Variants in DEF8 observed in about 807,000 individuals in gnomAD.
The protein encoded by DEF8 is DEF-8.
In DEF8, 38 loss-of-function variants were observed where a neutral mutation model predicts 59.1. That is an observed-to-expected ratio of 0.64 (90% CI 0.50 to 0.84). The LOEUF is 0.84. Among genes scored for constraint, DEF8 ranks in the 40% least tolerant of loss-of-function variants. The probability of loss-of-function intolerance (pLI) is 0.00; values close to 1 mark genes in which losing one functional copy is unlikely to be tolerated. For synonymous variants in DEF8, 265 were observed against 250.1 expected (o/e 1.06, Z -0.56); for missense variants, 557 against 615.2 (o/e 0.91, Z 1.00).
chr16:89,952,168 C>T lies in DEF8; in HGVS notation c.-10-2075C>T, dbSNP rs147600204. ...CTGGGATTACAGGCGTGAGCCACGG[C>T]GCCCAGCCCATATTTGTATAAAATT... On this transcript the variant is annotated intron_variant, in intron 2 of 12. Coordinates refer to ENST00000563594, the MANE Select transcript of DEF8 (RefSeq NM_001242818.2). Among the ~76,000 whole-genome samples, 222 of 152,362 alleles carry T rather than the reference C, an allele frequency of 1.5e-3. 1 individual carries two copies. Among genetic ancestry groups the T allele is most frequent in the African/African-American group, 5.0e-3 (209 of 41,586 alleles).
chr16:89,956,717 C>T (rs963676647), intron 4 of DEF8: 1 of 152,178 alleles, frequency 6.6e-6, no homozygotes, highest in African/African-American at 2.4e-5. Flanking sequence ...CTCTGTTGCC[C>T]AGGCTAGTCT....
intron 12 of DEF8, among the ~76,000 whole-genome samples, chr16:89,964,902 T>A (rs2034476514): frequency 6.6e-6 from 1 of 152,228 alleles, no homozygotes; most frequent in African/African-American, 2.4e-5. Context: ...CTTTCTCTAC[T>A]AGGATTGAAG....
chr16:89,964,353 T>C (rs1339434944), intron 11 of DEF8, 43 bp downstream of exon 11: 9 of 1,552,220 alleles, frequency 5.8e-6, no homozygotes, highest in South Asian at 1.2e-5. Context: ...ACCCCAGCCC[T>C]GAGGGGGGAT....
intron 2 of DEF8, among the ~76,000 whole-genome samples, chr16:89,951,302 G>A (rs1159232075): frequency 2.6e-5 from 4 of 151,796 alleles, no homozygotes; most frequent in African/African-American, 9.7e-5. Context: ...TGTCACCCAA[G>A]CTGGAGTGCA....
In DEF8 at chr16:89,953,236, C is replaced by G. The variant is rs551481266; in HGVS notation, c.-10-1007C>G. On this transcript the variant is annotated intron_variant, in intron 2 of 12. Transcript: ENST00000563594. ...AGCGAGCTTACTTTGTGCTCAGTCT[C>G]TGTTAACTCATTTCACCCTCACAAT... Among the ~76,000 whole-genome samples, 3 of 152,324 alleles carry G rather than the reference C, an allele frequency of 2.0e-5. No homozygotes were observed. In the East Asian group the frequency reaches 5.8e-4, roughly 29 times the overall value.
chr16:89,962,143 G>A lies in DEF8; in HGVS notation c.921+18G>A, dbSNP rs2151205006. 1 of 1,606,338 alleles carries A rather than the reference G, an allele frequency of 6.2e-7. No homozygotes were observed. The highest frequency in any genetic ancestry group is 8.5e-7 in the Non-Finnish European group (1 of 1,174,432). ...AGATTCGCGTGAGGCTGGGGCCATG[G>A]AAGTGGGGGGCGGGGGCGCTGTGTC... is the stretch of plus-strand genomic sequence containing the variant. On this transcript the variant is annotated intron_variant, in intron 9 of 12. Transcript: ENST00000563594.
intron 2 of DEF8, among the ~76,000 whole-genome samples, chr16:89,951,825 T>TAC (rs1291298839): frequency 1.3e-5 from 2 of 152,104 alleles, no homozygotes; most frequent in East Asian, 1.9e-4. Context: ...TATGTATGTA[T>TAC]ACACACACAC....
intron 5 of DEF8, 120 bp downstream of exon 5, chr16:89,957,780 G>A: frequency 7.9e-7 from 1 of 1,264,654 alleles, no homozygotes; most frequent in Non-Finnish European, 1.1e-6. Flanking sequence ...TCGGCCTCAG[G>A]GGCTGAGGTA....
rs148883593 is a variant in DEF8, at chr16:89,958,960, A to G, written c.373-54A>G. ...AAGTTGAGGGGCTTGTGCGAAGGGA[A>G]AGGAACTTCAGCCCAGCTCACCTGT... is the stretch of plus-strand genomic sequence containing the variant. On this transcript the variant is annotated intron_variant, in intron 5 of 12. Coordinates refer to ENST00000563594, the MANE Select transcript of DEF8 (RefSeq NM_001242818.2). The G allele has an allele frequency of 5.7e-3, 9,085 of 1,594,080 alleles. 43 individuals are homozygous for G. Among genetic ancestry groups the G allele is most frequent in the Middle Eastern group, 0.011 (51 of 4,642 alleles).
rs2032956869 is a variant in DEF8 at position 89,955,236 on chromosome 16, CCTGT to C, written c.196_199del (p.Ser66ArgfsTer29). The C allele has an allele frequency of 6.2e-7, 1 of 1,613,528 alleles. No homozygotes were observed. Among genetic ancestry groups the C allele is most frequent in the Non-Finnish European group, 8.5e-7 (1 of 1,179,874 alleles). On this transcript the variant is annotated frameshift_variant, in exon 4 of 13. Transcript: ENST00000563594. LOFTEE classifies it high-confidence loss of function. Reference sequence around the variant, plus strand: ...GCCCTGAACGCGTGATGGATCTCGGCCTGTCTGAGGACCACTTCTCCCGCCCTGT... The same window carrying C: ...GCCCTGAACGCGTGATGGATCTCGGCCTGAGGACCACTTCTCCCGCCCTGT...
intron 7 of DEF8, 23 bp from the exon 8 acceptor site, chr16:89,961,714 T>C (rs776436977): frequency 6.2e-7 from 1 of 1,611,648 alleles, no homozygotes; most frequent in East Asian, 2.2e-5. Flanking sequence ...GCAGGGACAC[T>C]CAGGGCCCCT....
chr16:89,952,516 TG>T (rs1468719468), intron 2 of DEF8: 5 of 152,202 alleles, frequency 3.3e-5, no homozygotes, highest in Non-Finnish European at 5.9e-5. Flanking sequence ...CTGGGGAGGC[TG>T]GGAAATTATG....
At chr16:89,955,024 G>A (rs1347375363) in intron 3 of DEF8, 145 bp from the exon 4 acceptor site, 1 of 609,488 alleles carries the variant, frequency 1.6e-6, no homozygotes, top group Non-Finnish European at 2.9e-6. Flanking sequence ...GTGCAGATCT[G>A]AGTGGTGCCC....
intron 2 of DEF8, 147 bp downstream of exon 2, chr16:89,949,660 T>C (rs2031602197): frequency 1.3e-6 from 2 of 1,593,544 alleles, no homozygotes; most frequent in Non-Finnish European, 1.7e-6. Flanking sequence ...CCGCGTGTCC[T>C]GAGCTTCGGC....
At chr16:89,962,325 A>G (rs1251971609) in intron 9 of DEF8, among the ~76,000 whole-genome samples, 200 bp downstream of exon 9, 9 of 152,240 alleles carry the variant, frequency 5.9e-5, no homozygotes. Context: ...ATCTGATGCC[A>G]GGTGTGAACA....
At chr16:89,958,260 C>A (rs1260386937) in intron 5 of DEF8, 1 of 152,428 alleles carries the variant, frequency 6.6e-6, no homozygotes, top group Non-Finnish European at 1.5e-5. Context: ...CCCACTGACC[C>A]AATGACGGTG....
intron 4 of DEF8, chr16:89,956,570 A>G (rs1477553314): frequency 6.6e-6 from 1 of 151,604 alleles, no homozygotes. Context: ...CAGTGGCGCA[A>G]TCATGGCTCA....
chr16:89,955,968 G>T (rs1168363638), intron 4 of DEF8, among the ~76,000 whole-genome samples: 1 of 152,050 alleles, frequency 6.6e-6, no homozygotes, highest in Non-Finnish European at 1.5e-5. Context: ...AGCTACTCGG[G>T]AGGCTGAGGT....
chr16:89,960,867 AG>A, intron 6 of DEF8, 63 bp from the exon 7 acceptor site: 6 of 1,560,344 alleles, frequency 3.8e-6, no homozygotes, highest in African/African-American at 1.3e-5. Context: ...AAGCCAGCTG[AG>A]GGTGGCCTGG....
Sources: allele counts gnomAD v4.1 joint callset (sites outside exome capture counted in the v4.1 genomes callset), GRCh38; gene constraint gnomAD v4.1.1; transcripts MANE v1.5; gene names NCBI Gene and HGNC (gene_info 2026-07-23, HGNC 2026-07-21).